The following WDR72 variants were observed in gnomAD, a reference collection of about 807,000 sequenced individuals.
WDR72 encodes the protein WD repeat-containing protein 72.
WDR72 carries 120 observed loss-of-function variants against 124.2 expected under a neutral mutation model. The ratio of observed to expected loss-of-function variants is 0.97; its 90% CI spans 0.83 to 1.12. The LOEUF (loss-of-function observed/expected upper bound fraction) is 1.12. Among genes scored for constraint, WDR72 ranks in the 50% most tolerant of loss-of-function variants. WDR72 has a pLI of 0.00. For synonymous variants in WDR72, 452 were observed against 441.7 expected, an observed-to-expected ratio of 1.02 and a Z score of -0.29; for missense variants, 1,387 against 1,278.8, an observed-to-expected ratio of 1.08 and a Z score of -1.29.
chr15:53,743,192 GA>G lies in WDR72; in HGVS notation c.-12-10032del, dbSNP rs1043314859. Among the ~76,000 whole-genome samples the G allele has an allele frequency of 5.3e-4, 81 of 151,794 alleles. 2 individuals are homozygous for G. The highest frequency in any genetic ancestry group is 1.9e-3 in the African/African-American group (78 of 41,440). On this transcript the variant is annotated intron_variant, in intron 1 of 19. Coordinates refer to ENST00000360509, the MANE Select transcript of WDR72 (RefSeq NM_182758.4). The stretch of plus-strand genomic sequence containing the variant: ...TTTTGTCATTTCTTGGTGGCATAAT[GA>G]AAAAAATAATTCTAAGAAAAAATTT...
At position 53,714,736 on chromosome 15, in the gene WDR72, G is replaced by A. The variant is rs117809144; in HGVS notation, c.515-226C>T. Among the ~76,000 whole-genome samples, 154 of 152,238 alleles carry A rather than the reference G, an allele frequency of 1.0e-3. 4 individuals are homozygous for A. In the East Asian group the frequency reaches 0.027, roughly 27 times the overall value. On this transcript the variant is annotated intron_variant, in intron 5 of 19. Coordinates refer to ENST00000360509, the MANE Select transcript of WDR72 (RefSeq NM_182758.4). ...TATAAGAAGAGCACCACTAGAAGCA[G>A]AACCACATTGCAAATCATCATAAAA... is the stretch of plus-strand genomic sequence containing the variant.
chr15:53,686,945 C>G (rs1157279879), intron 13 of WDR72, among the ~76,000 whole-genome samples: 1 of 151,584 alleles, frequency 6.6e-6, no homozygotes, highest in Non-Finnish European at 1.5e-5. Context: ...ACTGAACAAC[C>G]TGCTCCTGAA....
chr15:53,693,112 T>G (rs2016893372), intron 13 of WDR72, among the ~76,000 whole-genome samples: 1 of 152,208 alleles, frequency 6.6e-6, no homozygotes, highest in African/African-American at 2.4e-5. Flanking sequence ...AACATAACTT[T>G]GACCTGATAT....
At chr15:53,572,934 A>T (rs142933066) in intron 18 of WDR72, among the ~76,000 whole-genome samples, 1 of 152,284 alleles carries the variant, frequency 6.6e-6, no homozygotes, top group Non-Finnish European at 1.5e-5. Flanking sequence ...TGGGTTTTAC[A>T]TTAATTGGAT....
At chr15:53,520,047 CT>C (rs1338840052) in intron 19 of WDR72, among the ~76,000 whole-genome samples, 1 of 152,056 alleles carries the variant, frequency 6.6e-6, no homozygotes, top group Non-Finnish European at 1.5e-5. Flanking sequence ...ATCAACTTCA[CT>C]TTTTCCAAAA....
Position 53,532,753 on chromosome 15 carries a change from A to G in WDR72, c.3149-9431T>C, listed in dbSNP as rs969680125. Among the ~76,000 whole-genome samples, 6 of 152,208 alleles carry G rather than the reference A, an allele frequency of 3.9e-5. No homozygotes were observed. In the East Asian group the frequency reaches 9.7e-4, roughly 25 times the overall value. ...TATAGTTAACAATAACTTATTGTAC[A>G]TTTCAAAATAACAAAAAGAGTGGAA... On this transcript the variant is annotated intron_variant, in intron 18 of 19. Transcript: ENST00000360509.
chr15:53,614,667 C>T (rs2013683542), intron 15 of WDR72, among the ~76,000 whole-genome samples: 1 of 152,044 alleles, frequency 6.6e-6, no homozygotes, highest in African/African-American at 2.4e-5. Flanking sequence ...TGGCAAACAA[C>T]TAAGTCCCTC....
chr15:53,598,737 C>G (rs1333555714), intron 17 of WDR72, among the ~76,000 whole-genome samples: 2 of 152,192 alleles, frequency 1.3e-5, no homozygotes, highest in Admixed American at 1.3e-4. Flanking sequence ...TAGAATATCA[C>G]TATTGCATAC....
intron 13 of WDR72, among the ~76,000 whole-genome samples, chr15:53,675,932 C>A (rs1488887143): frequency 6.6e-6 from 1 of 152,140 alleles, no homozygotes; most frequent in Non-Finnish European, 1.5e-5. Flanking sequence ...TAACTGCCAT[C>A]AGTTTTCCCT....
intron 13 of WDR72, among the ~76,000 whole-genome samples, chr15:53,671,979 AAG>A (rs1491291586): frequency 1.4e-5 from 2 of 144,428 alleles, no homozygotes; most frequent in African/African-American, 4.9e-5. Flanking sequence ...GAGAAGGGGA[AAG>A]AGGGAGGGAG....
At chr15:53,668,973 G>GAA (rs2015884958) in intron 13 of WDR72, among the ~76,000 whole-genome samples, 1 of 104,682 alleles carries the variant, frequency 9.6e-6, no homozygotes, top group Non-Finnish European at 2.2e-5. Flanking sequence ...AGGAGGAGGA[G>GAA]GAGGAGAAGG....
intron 18 of WDR72, among the ~76,000 whole-genome samples, chr15:53,544,824 C>A (rs1473449063): frequency 1.3e-5 from 2 of 151,974 alleles, no homozygotes; most frequent in Non-Finnish European, 2.9e-5. Context: ...TCTCAGGATA[C>A]AAAATCAACA....
At chr15:53,699,979 A>T in intron 12 of WDR72, 34 bp from the exon 13 acceptor site, 2 of 1,613,220 alleles carry the variant, frequency 1.2e-6, no homozygotes, top group South Asian at 2.2e-5. Flanking sequence ...GTAAGTAAAT[A>T]GTCAAATGCT....
intron 17 of WDR72, among the ~76,000 whole-genome samples, chr15:53,603,163 G>A (rs12439700): frequency 0.14 from 21,472 of 151,712 alleles, 2,404 homozygotes; most frequent in African/African-American, 0.31. Flanking sequence ...TTGATCCCTG[G>A]GATGCAAGTT....
intron 11 of WDR72, among the ~76,000 whole-genome samples, chr15:53,704,560 C>T (rs1180070887): frequency 2.6e-5 from 4 of 151,048 alleles, no homozygotes; most frequent in Non-Finnish European, 5.9e-5. Flanking sequence ...GGAGTCTTGC[C>T]CTGTTGCCCA....
chr15:53,711,139 G>A (rs1334253431), intron 8 of WDR72, among the ~76,000 whole-genome samples, 186 bp from the exon 9 acceptor site: 2 of 152,168 alleles, frequency 1.3e-5, no homozygotes, highest in Non-Finnish European at 2.9e-5. Context: ...GTTATACATG[G>A]TTAATCTCAT....
intron 1 of WDR72, among the ~76,000 whole-genome samples, chr15:53,745,842 A>C (rs1202412284): frequency 6.6e-6 from 1 of 152,128 alleles, no homozygotes; most frequent in African/African-American, 2.4e-5. Flanking sequence ...TGGCCAAAGT[A>C]ACCAAAGAAA....
chr15:53,594,728 G>C (rs1345775662), intron 18 of WDR72, among the ~76,000 whole-genome samples: 1 of 151,686 alleles, frequency 6.6e-6, no homozygotes, highest in Non-Finnish European at 1.5e-5. Flanking sequence ...GGAGGTGGAA[G>C]TTGCAGTGAG....
intron 18 of WDR72, among the ~76,000 whole-genome samples, chr15:53,548,916 C>T (rs1291710593): frequency 5.3e-5 from 8 of 151,922 alleles, no homozygotes; most frequent in African/African-American, 1.7e-4. Flanking sequence ...TATATCAACA[C>T]AGAGAAGACT....
Sources: gnomAD v4.1 joint callset for allele counts (sites outside exome capture counted in the v4.1 genomes callset) on GRCh38, gnomAD v4.1.1 for gene constraint, MANE v1.5 for transcripts, NCBI Gene and HGNC (gene_info 2026-07-23, HGNC 2026-07-21) for gene names.